Variants in ACACA observed in about 807,000 individuals in gnomAD.
The protein encoded by ACACA is acetyl-CoA carboxylase 1.
A neutral mutation model predicts 296.1 loss-of-function variants in ACACA; 103 were observed. The observed-to-expected ratio is 0.35, with a 90% CI of 0.30 to 0.41. The LOEUF (loss-of-function observed/expected upper bound fraction) is 0.41, where lower values mean the gene tolerates loss of function less well. Among genes scored for constraint, ACACA ranks in the 10% least tolerant of loss-of-function variants. The pLI is 1.00. For synonymous variants in ACACA, 953 were observed against 1,038.6 expected (o/e 0.92, Z 1.58); for missense variants, 1,554 against 2,989.7 (o/e 0.52, Z 11.20).
chr17:37,231,573 G>A (rs1035991446), intron 25 of ACACA, among the ~76,000 whole-genome samples: 1 of 152,192 alleles, frequency 6.6e-6, no homozygotes, highest in African/African-American at 2.4e-5. Flanking sequence ...TTAAGTGGAG[G>A]AAGGAAAGGT....
At chr17:37,342,444 T>TATAC (rs1555652556) in intron 1 of ACACA, among the ~76,000 whole-genome samples, 13 of 113,440 alleles carry the variant, frequency 1.1e-4, no homozygotes, top group South Asian at 8.2e-4. Flanking sequence ...AAAATATATA[T>TATAC]ATATATATAT....
At chr17:37,190,968 TC>T (rs1481737213) in intron 38 of ACACA, 151 bp downstream of exon 38, 2 of 998,086 alleles carry the variant, frequency 2.0e-6, no homozygotes, top group African/African-American at 3.3e-5. Flanking sequence ...TCCCAGAAAC[TC>T]AATCTTATAA....
At chr17:37,138,472 G>A (rs1001433577) in intron 45 of ACACA, among the ~76,000 whole-genome samples, 5 of 152,186 alleles carry the variant, frequency 3.3e-5, no homozygotes, top group Non-Finnish European at 5.9e-5. Context: ...TTTCTGACTT[G>A]GGAACATATT....
chr17:37,101,076 G>A (rs1264922744), intron 52 of ACACA, among the ~76,000 whole-genome samples: 1 of 136,678 alleles, frequency 7.3e-6, no homozygotes, highest in Non-Finnish European at 1.5e-5. Flanking sequence ...CAGCCTGAGT[G>A]ACTGTCTCAG....
At chr17:37,181,054 A>G (rs989596096) in intron 40 of ACACA, 147 bp downstream of exon 40, 2 of 868,366 alleles carry the variant, frequency 2.3e-6, no homozygotes, top group East Asian at 4.9e-5. Context: ...GCAGTCACCA[A>G]TCCTCAAATG....
chr17:37,200,305 C>G (rs1270995473), intron 34 of ACACA, 122 bp from the exon 35 acceptor site: 2 of 1,363,370 alleles, frequency 1.5e-6, no homozygotes, highest in Non-Finnish European at 2.1e-6. Flanking sequence ...ATGAAACTTA[C>G]AGAAAAGTGG....
intron 3 of ACACA, among the ~76,000 whole-genome samples, chr17:37,322,946 A>G (rs2047424813): frequency 6.6e-6 from 1 of 152,178 alleles, no homozygotes; most frequent in Non-Finnish European, 1.5e-5. Context: ...ATGTGATCCA[A>G]TTTTTCTGGT....
At chr17:37,364,327 C>T (rs1219466615) in intron 1 of ACACA, among the ~76,000 whole-genome samples, 2 of 151,936 alleles carry the variant, frequency 1.3e-5, no homozygotes, top group Non-Finnish European at 2.9e-5. Flanking sequence ...GCCATGGTGG[C>T]TCATGCCTGT....
chr17:37,270,592 T>C (rs940505049), intron 10 of ACACA, among the ~76,000 whole-genome samples, 159 bp downstream of exon 10: 1 of 152,228 alleles, frequency 6.6e-6, no homozygotes, highest in African/African-American at 2.4e-5. Flanking sequence ...ACCTTTTTTC[T>C]CTGCTAATAT....
chr17:37,288,509 G>T (rs1324940846), intron 3 of ACACA, among the ~76,000 whole-genome samples: 2 of 152,208 alleles, frequency 1.3e-5, no homozygotes, highest in African/African-American at 4.8e-5. Flanking sequence ...CTGCAAGGGA[G>T]TATGGGAATG....
At chr17:37,333,231 G>A (rs1232539053) in intron 2 of ACACA, among the ~76,000 whole-genome samples, 1 of 152,174 alleles carries the variant, frequency 6.6e-6, no homozygotes, top group Non-Finnish European at 1.5e-5. Flanking sequence ...GGAGAGAAAG[G>A]GAATTCCTAA....
chr17:37,299,324 A>T, intron 3 of ACACA: 1 of 1,613,868 alleles, frequency 6.2e-7, no homozygotes, highest in Non-Finnish European at 8.5e-7. Flanking sequence ...CCTCTGGAGA[A>T]CCCTCCATAT....
intron 45 of ACACA, chr17:37,143,736 C>T: frequency 1.1e-6 from 1 of 911,510 alleles, no homozygotes; most frequent in Non-Finnish European, 1.8e-6. Context: ...TCATCTTCCT[C>T]ATCTTCCTTG....
chr17:37,096,128 C>T (rs1432496328), intron 54 of ACACA, among the ~76,000 whole-genome samples: 2 of 152,234 alleles, frequency 1.3e-5, no homozygotes. Flanking sequence ...CCGATCACAA[C>T]CTGTTAGGCT....
chr17:37,155,110 C>T (rs187672346), intron 43 of ACACA, among the ~76,000 whole-genome samples: 44 of 152,142 alleles, frequency 2.9e-4, no homozygotes, highest in Admixed American at 5.2e-4. Flanking sequence ...CTTTTAATTC[C>T]TAAAAGTTTA....
chr17:37,349,479 C>T (rs1226542823), intron 1 of ACACA, among the ~76,000 whole-genome samples: 1 of 146,182 alleles, frequency 6.8e-6, no homozygotes, highest in Non-Finnish European at 1.5e-5. Context: ...TACATATATA[C>T]GTATATAAGA....
In ACACA at chr17:37,284,972, T is replaced by C; in HGVS notation, c.339-2A>G. 1 of 1,614,096 alleles carries C rather than the reference T, an allele frequency of 6.2e-7. No individual in the cohort carries two copies. Among genetic ancestry groups the C allele is most frequent in the Non-Finnish European group, 8.5e-7 (1 of 1,180,000 alleles). ...AGGTGCAAGCCAGACATGCTGGACC[T>C]ATAAAAATACAGAAGCCATAAAAAC... On this transcript the variant is annotated splice_acceptor_variant, in intron 3 of 55. Coordinates refer to ENST00000616317, the MANE Select transcript of ACACA (RefSeq NM_198834.3). LOFTEE classifies it high-confidence loss of function.
chr17:37,175,129 T>C (rs1232918410), intron 41 of ACACA, among the ~76,000 whole-genome samples: 1 of 152,200 alleles, frequency 6.6e-6, no homozygotes, highest in Non-Finnish European at 1.5e-5. Flanking sequence ...TCTTTCAGCA[T>C]TGCCCACTTT....
At chr17:37,205,162 T>C (rs1382769793) in intron 33 of ACACA, among the ~76,000 whole-genome samples, 1 of 151,790 alleles carries the variant, frequency 6.6e-6, no homozygotes, top group Non-Finnish European at 1.5e-5. Flanking sequence ...GGTAGAGGGG[T>C]AGAATGAAGG....
Sources: allele counts gnomAD v4.1 joint callset (sites outside exome capture counted in the v4.1 genomes callset), GRCh38; gene constraint gnomAD v4.1.1; transcripts MANE v1.5; gene names NCBI Gene and HGNC (gene_info 2026-07-23, HGNC 2026-07-21).